ARFGEF1: variants seen among roughly 807,000 people sequenced by gnomAD.
ARFGEF1 encodes brefeldin A-inhibited guanine nucleotide-exchange protein 1.
Under a neutral mutation model 231.0 loss-of-function variants are expected in ARFGEF1, and 42 were observed. The observed-to-expected ratio is 0.18, with a 90% CI of 0.14 to 0.24. ARFGEF1 has a LOEUF of 0.24. ARFGEF1 is among the 10% of genes least tolerant of loss of function. The pLI is 1.00. For synonymous variants in ARFGEF1, 710 were observed against 732.3 expected, an observed-to-expected ratio of 0.97 and a Z score of 0.49; for missense variants, 1,345 against 2,192.0, an observed-to-expected ratio of 0.61 and a Z score of 7.72.
In ARFGEF1 at chr8:67,238,907, A is replaced by T; in HGVS notation, c.2980-14T>A. Reference sequence around the variant, plus strand: ...ATCTCTCTCCAGCTATAAAAAAGAGAAAAGTATGTTTACACAGTTCTAAAT... The same window carrying T: ...ATCTCTCTCCAGCTATAAAAAAGAGTAAAGTATGTTTACACAGTTCTAAAT... On this transcript the variant is annotated splice_polypyrimidine_tract_variant and intron_variant, in intron 20 of 38. Coordinates refer to ENST00000262215, the MANE Select transcript of ARFGEF1 (RefSeq NM_006421.5). 6.2e-7 allele frequency: 1 copy of T among 1,610,880 alleles called. No homozygotes were observed. The highest frequency in any genetic ancestry group is 8.5e-7 in the Non-Finnish European group (1 of 1,177,482).
intron 34 of ARFGEF1, among the ~76,000 whole-genome samples, chr8:67,206,207 C>T (rs144435393): frequency 0.013 from 1,914 of 152,000 alleles, 43 homozygotes; most frequent in African/African-American, 0.044. Flanking sequence ...GTCAGGAGTT[C>T]GAGACCAGGT....
intron 5 of ARFGEF1, chr8:67,190,518 T>C: frequency 1.5e-6 from 1 of 670,462 alleles, no homozygotes; most frequent in Non-Finnish European, 2.7e-6. Context: ...CACCGAACTG[T>C]GTATGTACAT....
In ARFGEF1 at chr8:67,216,624, G is replaced by A; in HGVS notation, c.4652C>T (p.Pro1551Leu). 6.2e-7 allele frequency: 1 copy of A among 1,607,272 alleles called. No individual in the cohort carries two copies. Among genetic ancestry groups the A allele is most frequent in the Non-Finnish European group, 8.5e-7 (1 of 1,177,950 alleles). ...TTCACTTACAGGAGATGGAGGTGGG[G>A]GGGCAGTTTCTCCAGAATTGGGTCG... ...TWRPNSGETA[P>L]PPPSPVSEKP... The change falls in exon 33 of 39, where the codon CCC becomes CTC. Residue 1551 changes from proline (P) to leucine (L), a missense_variant. By Grantham distance (98) the Pro-to-Leu change is moderately conservative. Around this residue, in one of 14 missense-constraint regions of ARFGEF1, gnomAD observed 89 missense variants for 74.8 expected, o/e 1.19. Transcript: ENST00000262215.
chr8:67,260,069 A>C (rs2128890457), intron 14 of ARFGEF1, 143 bp from the exon 15 acceptor site: 1 of 423,994 alleles, frequency 2.4e-6, no homozygotes, highest in Middle Eastern at 6.2e-4. Context: ...GTACAAAATA[A>C]TTACATTGTG....
intron 18 of ARFGEF1, among the ~76,000 whole-genome samples, chr8:67,253,236 A>G (rs1267984730): frequency 1.3e-5 from 2 of 152,180 alleles, no homozygotes. Flanking sequence ...TCTCTTTTAA[A>G]TTAAAAAGTT....
At chr8:67,325,223 CTTT>C (rs767351969) in intron 1 of ARFGEF1, among the ~76,000 whole-genome samples, 18 of 143,342 alleles carry the variant, frequency 1.3e-4, no homozygotes, top group Non-Finnish European at 1.5e-4. Context: ...GAAAAATCCA[CTTT>C]TTTTTTTTTT....
chr8:67,186,865 A>C (rs1834743147), intron 5 of ARFGEF1, among the ~76,000 whole-genome samples: 1 of 152,240 alleles, frequency 6.6e-6, no homozygotes, highest in South Asian at 2.1e-4. Context: ...GTCACTTTAC[A>C]ATATGCCAGC....
intron 38 of ARFGEF1, chr8:67,199,811 G>A (rs939700834): frequency 6.0e-6 from 1 of 167,688 alleles, no homozygotes; most frequent in Non-Finnish European, 1.3e-5. Context: ...TGTGTGAGCT[G>A]TAAGTTGCTA....
At chr8:67,301,974 A>T (rs982006976) in intron 2 of ARFGEF1, among the ~76,000 whole-genome samples, 3 of 152,070 alleles carry the variant, frequency 2.0e-5, no homozygotes, top group Non-Finnish European at 4.4e-5. Flanking sequence ...TGGGAAGCCG[A>T]GGTGCGTGGG....
chr8:67,209,969 G>A (rs973823878), intron 34 of ARFGEF1, among the ~76,000 whole-genome samples: 1 of 151,980 alleles, frequency 6.6e-6, no homozygotes, highest in Middle Eastern at 3.4e-3. Context: ...TGACTACCGT[G>A]GTGAAACCCG....
At chr8:67,214,424 C>T (rs1482166792) in intron 33 of ARFGEF1, among the ~76,000 whole-genome samples, 1 of 152,044 alleles carries the variant, frequency 6.6e-6, no homozygotes, top group Non-Finnish European at 1.5e-5. Flanking sequence ...TAGTACAATG[C>T]AAGAAGAAGA....
chr8:67,251,190 T>A, intron 19 of ARFGEF1, 109 bp downstream of exon 19: 7 of 1,033,278 alleles, frequency 6.8e-6, no homozygotes, highest in Non-Finnish European at 7.8e-6. Flanking sequence ...CCTCAATATG[T>A]CTACACTAAT....
intron 1 of ARFGEF1, among the ~76,000 whole-genome samples, chr8:67,327,270 C>T (rs1807875752): frequency 6.6e-6 from 1 of 150,452 alleles, no homozygotes. Context: ...AATATTTTTG[C>T]ATTTGTAGAA....
At chr8:67,335,101 ATTTTTTTT>A (rs1166810807) in intron 1 of ARFGEF1, among the ~76,000 whole-genome samples, 2 of 132,366 alleles carry the variant, frequency 1.5e-5, no homozygotes, top group African/African-American at 2.9e-5. Context: ...ATCACGGTAA[ATTTTTTTT>A]TTTTTTTTTT....
At position 67,270,425 on chromosome 8, in the gene ARFGEF1, T is replaced by C. The variant is rs192873710; in HGVS notation, c.1572+1277A>G. 3.4e-4 allele frequency among the ~76,000 whole-genome samples: 52 copies of C among 152,272 alleles called. No homozygotes were observed. The East Asian group carries it at 3.7e-3, about 11-fold the overall frequency. ...GACTATTTTAGCCATTTCGAAATTC[T>C]GGAAAAATAATTTATCCTTTCTAAC... On this transcript the variant is annotated intron_variant, in intron 10 of 38. Coordinates refer to ENST00000262215, the MANE Select transcript of ARFGEF1 (RefSeq NM_006421.5).
intron 33 of ARFGEF1, among the ~76,000 whole-genome samples, chr8:67,212,607 T>C (rs1306191357): frequency 1.3e-5 from 2 of 152,174 alleles, no homozygotes; most frequent in Non-Finnish European, 2.9e-5. Flanking sequence ...ACTCAAGACA[T>C]GAGAGAACCT....
rs565481524 is a variant in ARFGEF1, at chr8:67,220,739, C to T, written c.4209-1179G>A. ...CCCTCGTCCTCCATCTGCTGAGCTC[C>T]GTATCTATTCCCTTCCACTCCAAGT... On this transcript the variant is annotated intron_variant, in intron 29 of 38. Transcript: ENST00000262215. Among the ~76,000 whole-genome samples the T allele has an allele frequency of 5.3e-5, 8 of 152,190 alleles. No homozygotes were observed. The East Asian group carries it at 9.7e-4, about 18-fold the overall frequency.
At chr8:67,287,879 C>G in intron 7 of ARFGEF1, 76 bp downstream of exon 7, 1 of 1,014,082 alleles carries the variant, frequency 9.9e-7, no homozygotes, top group East Asian at 2.9e-5. Context: ...CCTTTCTATT[C>G]CAGACATTAC....
intron 7 of ARFGEF1, among the ~76,000 whole-genome samples, chr8:67,278,857 T>C (rs989560574): frequency 6.6e-6 from 1 of 152,216 alleles, no homozygotes. Flanking sequence ...TAAAATACAT[T>C]ATGAAAACTG....
Sources: allele counts gnomAD v4.1 joint callset (sites outside exome capture counted in the v4.1 genomes callset), GRCh38; gene constraint gnomAD v4.1.1; regional missense constraint gnomAD v4.1.1; transcripts MANE v1.5; gene names NCBI Gene and HGNC (gene_info 2026-07-23, HGNC 2026-07-21).